Variants in KANK1 observed in about 807,000 individuals in gnomAD.
KANK1 encodes KN motif and ankyrin repeat domains 1, also known as KN motif and ankyrin repeat domain-containing protein 1.
KANK1 carries 109 observed loss-of-function variants against 106.2 expected under a neutral mutation model. The observed-to-expected ratio is 1.03, with a 90% CI of 0.88 to 1.20. The LOEUF is 1.20. KANK1 is among the 50% of genes most tolerant of loss of function. KANK1 has a pLI of 0.00. For missense variants in KANK1, 2,399 were observed against 1,710.7 expected, an observed-to-expected ratio of 1.40 and a Z score of -7.10; for synonymous variants, 873 against 652.2, an observed-to-expected ratio of 1.34 and a Z score of -5.16.
At chr9:662,733 C>G (rs1418179335) in intron 1 of KANK1, among the ~76,000 whole-genome samples, 1 of 150,672 alleles carries the variant, frequency 6.6e-6, no homozygotes, top group Non-Finnish European at 1.5e-5. Flanking sequence ...GCGATCTCAG[C>G]TCACTGCAAT....
At position 572,378 on chromosome 9, in the gene KANK1, G is replaced by A. The variant is rs151008743; in HGVS notation, c.-84+67624G>A. 1.4e-3 allele frequency among the ~76,000 whole-genome samples: 218 copies of A among 151,730 alleles called. 2 individuals are homozygous for A. The East Asian group carries it at 0.029, about 20-fold the overall frequency. On this transcript the variant is annotated intron_variant, in intron 1 of 11. Coordinates refer to ENST00000382297, the MANE Select transcript of KANK1 (RefSeq NM_015158.5). Reference sequence around the variant, plus strand: ...ATCCTGGCTAACACAGTGAAACCCCGTCTCTACTAAAAAATAGAAAAAAAT... The same window carrying A: ...ATCCTGGCTAACACAGTGAAACCCCATCTCTACTAAAAAATAGAAAAAAAT...
chr9:647,995 T>C (rs1043025863), intron 1 of KANK1, among the ~76,000 whole-genome samples: 1 of 136,368 alleles, frequency 7.3e-6, no homozygotes, highest in Admixed American at 7.7e-5. Context: ...CTGGGGGTTG[T>C]TATCTTTTTT....
intron 1 of KANK1, among the ~76,000 whole-genome samples, chr9:583,832 A>G (rs1219398086): frequency 6.6e-6 from 1 of 152,086 alleles, no homozygotes. Flanking sequence ...AATAGAGAAC[A>G]TGAACAAGAG....
At chr9:534,389 G>T (rs1375327366) in intron 1 of KANK1, among the ~76,000 whole-genome samples, 1 of 152,150 alleles carries the variant, frequency 6.6e-6, no homozygotes, top group Non-Finnish European at 1.5e-5. Context: ...GGAGGCTGTG[G>T]ATTTCACTAT....
chr9:737,885 C>T (rs10117972), intron 7 of KANK1, among the ~76,000 whole-genome samples: 19,671 of 152,176 alleles, frequency 0.13, 1,561 homozygotes, highest in Non-Finnish European at 0.17. Flanking sequence ...ATAAATGGAG[C>T]CAAGCCTGAG....
intron 1 of KANK1, among the ~76,000 whole-genome samples, chr9:593,633 T>G (rs1349297839): frequency 6.6e-6 from 1 of 151,814 alleles, no homozygotes; most frequent in East Asian, 1.9e-4. Flanking sequence ...AGACCTGATT[T>G]GTTTGTGTAA....
Position 667,168 on chromosome 9 carries a change from A to G in KANK1, c.-83-9722A>G, listed in dbSNP as rs72691374. On this transcript the variant is annotated intron_variant, in intron 1 of 11. Coordinates refer to ENST00000382297, the MANE Select transcript of KANK1 (RefSeq NM_015158.5). ...AGGTTTTCTCTTTCTTCGTGGTTCAATTTTGGTTGTATATGTCCAGGAATG... is the reference window on the plus strand; with the variant it reads ...AGGTTTTCTCTTTCTTCGTGGTTCAGTTTTGGTTGTATATGTCCAGGAATG... Among the ~76,000 whole-genome samples, 697 of 151,588 alleles carry G rather than the reference A, an allele frequency of 4.6e-3. 10 individuals are homozygous for G. Among genetic ancestry groups the G allele is most frequent in the African/African-American group, 0.016 (645 of 41,344 alleles).
chr9:488,534 C>A (rs1425680445), intron 3 of KANK1, among the ~76,000 whole-genome samples: 3 of 152,166 alleles, frequency 2.0e-5, no homozygotes, highest in Admixed American at 2.0e-4. Flanking sequence ...TGTTTGAACT[C>A]GAACACATCA....
At chr9:706,819 G>A in intron 2 of KANK1, 1 of 985,482 alleles carries the variant, frequency 1.0e-6, no homozygotes, top group Non-Finnish European at 1.2e-6. Flanking sequence ...TTGTGCCTCT[G>A]CACCTCCTCA....
intron 1 of KANK1, among the ~76,000 whole-genome samples, chr9:519,288 A>C (rs1269929443): frequency 6.6e-6 from 1 of 151,784 alleles, no homozygotes; most frequent in East Asian, 1.9e-4. Context: ...GCCTTAACTT[A>C]GTAAGTGTTC....
At chr9:676,176 C>G (rs1427053368) in intron 1 of KANK1, among the ~76,000 whole-genome samples, 1 of 152,160 alleles carries the variant, frequency 6.6e-6, no homozygotes, top group Non-Finnish European at 1.5e-5. Flanking sequence ...CTGTCTCATC[C>G]TGTGACTAAG....
intron 3 of KANK1, among the ~76,000 whole-genome samples, chr9:721,220 C>A (rs1829235646): frequency 6.6e-6 from 1 of 152,152 alleles, no homozygotes; most frequent in East Asian, 1.9e-4. Flanking sequence ...GGGTTCCTAA[C>A]CTGTGGTAAG....
intron 1 of KANK1, among the ~76,000 whole-genome samples, chr9:664,303 A>G (rs898128296): frequency 6.6e-6 from 1 of 152,092 alleles, no homozygotes. Flanking sequence ...GCTCCCACAT[A>G]TGAGTGAGAA....
intron 1 of KANK1, among the ~76,000 whole-genome samples, chr9:557,898 G>C (rs1815266583): frequency 6.6e-6 from 1 of 152,170 alleles, no homozygotes; most frequent in Admixed American, 6.5e-5. Context: ...TCAGCGACTT[G>C]GGCGGCTGAG....
chr9:660,919 C>A (rs1009725708), intron 1 of KANK1, among the ~76,000 whole-genome samples: 1 of 152,142 alleles, frequency 6.6e-6, no homozygotes, highest in African/African-American at 2.4e-5. Context: ...TAAGGGATGT[C>A]CAAACACCAG....
intron 6 of KANK1, chr9:733,829 C>G (rs373416473): frequency 3.3e-5 from 5 of 152,072 alleles, no homozygotes; most frequent in African/African-American, 1.2e-4. Flanking sequence ...AAACTTAGAA[C>G]AGGTTGGGCA....
intron 2 of KANK1, among the ~76,000 whole-genome samples, chr9:708,651 C>G (rs1407274496): frequency 2.0e-5 from 3 of 152,094 alleles, no homozygotes; most frequent in Non-Finnish European, 4.4e-5. Context: ...TCACAGCATT[C>G]ACACTGTCGG....
At chr9:657,217 G>C (rs764185978) in intron 1 of KANK1, among the ~76,000 whole-genome samples, 1 of 152,076 alleles carries the variant, frequency 6.6e-6, no homozygotes, top group Non-Finnish European at 1.5e-5. Flanking sequence ...CTTTTTTGTA[G>C]GCTAGATAAT....
In KANK1 at chr9:518,834, G is replaced by A. The variant is rs143613036; in HGVS notation, c.-84+14080G>A. Among the ~76,000 whole-genome samples the A allele has an allele frequency of 1.9e-4, 29 of 151,716 alleles. 3 individuals are homozygous for A. Among genetic ancestry groups the A allele is most frequent in the African/African-American group, 6.8e-4 (28 of 41,078 alleles). On this transcript the variant is annotated intron_variant, in intron 1 of 11. Transcript: ENST00000382297. Reference sequence around the variant, plus strand: ...AGGCAGGCTCAGGGACCCAAGTCTTGTAGGAAACCACAACTCCATGAAGCC... The same window carrying A: ...AGGCAGGCTCAGGGACCCAAGTCTTATAGGAAACCACAACTCCATGAAGCC...
Sources: gnomAD v4.1 joint callset for allele counts (sites outside exome capture counted in the v4.1 genomes callset) on GRCh38, gnomAD v4.1.1 for gene constraint, MANE v1.5 for transcripts, NCBI Gene and HGNC (gene_info 2026-07-23, HGNC 2026-07-21) for gene names.